ANKRD18A: variants seen among roughly 807,000 people sequenced by gnomAD.
ANKRD18A encodes the protein ankyrin repeat domain 18A, also known as ankyrin repeat domain-containing protein 18A.
ANKRD18A carries 72 observed loss-of-function variants against 110.6 expected under a neutral mutation model. The observed-to-expected ratio is 0.65, with a 90% CI of 0.54 to 0.79. The LOEUF is 0.79. Among genes scored for constraint, ANKRD18A ranks in the 30% least tolerant of loss-of-function variants. The pLI is 0.00. For missense variants in ANKRD18A, 934 were observed against 1,163.3 expected, an observed-to-expected ratio of 0.80 and a Z score of 2.87; for synonymous variants, 305 against 410.3, an observed-to-expected ratio of 0.74 and a Z score of 3.10.
At position 38,610,297 on chromosome 9, in the gene ANKRD18A, T is replaced by C; in HGVS notation, c.716A>G (p.Tyr239Cys). 3 of 1,548,926 alleles carry C rather than the reference T, an allele frequency of 1.9e-6. No individual in the cohort carries two copies. Among genetic ancestry groups the C allele is most frequent in the Non-Finnish European group, 2.6e-6 (3 of 1,146,194 alleles). ...CCTTCTCAAATCAGAACAAAGAGCA[T>C]AATCCTCGGCAGTTTGGCCAAACAT... ...QDMFGQTAED[Y>C]ALCSDLRSIR... is the part of the protein sequence containing the mutation. Residue 239 changes from tyrosine (Y) to cysteine (C), a missense_variant, in exon 5 of 16, where the codon TAT becomes TGT. Transcript: ENST00000399703.
chr9:38,610,526 T>C, intron 4 of ANKRD18A, 116 bp from the exon 5 acceptor site: 1 of 1,368,328 alleles, frequency 7.3e-7, no homozygotes. Flanking sequence ...ATAATAACCA[T>C]TTACATGTAC....
intron 7 of ANKRD18A, among the ~76,000 whole-genome samples, chr9:38,601,917 A>C (rs1271535451): frequency 1.3e-5 from 2 of 150,428 alleles, no homozygotes; most frequent in African/African-American, 4.9e-5. Context: ...CAGGAGTTTC[A>C]GTTTGCAGTG....
At chr9:38,594,723 C>T (rs1824800088) in intron 9 of ANKRD18A, among the ~76,000 whole-genome samples, 1 of 152,248 alleles carries the variant, frequency 6.6e-6, no homozygotes, top group East Asian at 1.9e-4. Flanking sequence ...AAGAGAGAGC[C>T]ACTGAAGGAA....
chr9:38,593,131 G>A (rs138957657), intron 10 of ANKRD18A, among the ~76,000 whole-genome samples: 468 of 152,294 alleles, frequency 3.1e-3, no homozygotes, highest in Middle Eastern at 0.01. Flanking sequence ...AAATCCCATG[G>A]TAGGATCCAG....
In ANKRD18A at chr9:38,591,197, T is replaced by C. The variant is rs560554708; in HGVS notation, c.2005-2534A>G. On this transcript the variant is annotated intron_variant, in intron 10 of 15. Transcript: ENST00000399703. ...ATTGCTCTGGCTGGTCTCAAATTCCTGGGCTCAAGCACTGTTCTTGCCTCA... is the reference window on the plus strand; with the variant it reads ...ATTGCTCTGGCTGGTCTCAAATTCCCGGGCTCAAGCACTGTTCTTGCCTCA... Among the ~76,000 whole-genome samples the C allele has an allele frequency of 1.2e-4, 18 of 151,860 alleles. No homozygotes were observed. In the South Asian group the frequency reaches 2.3e-3, roughly 19 times the overall value.
chr9:38,570,129 C>T (rs1823586811), downstream of ANKRD18A, among the ~76,000 whole-genome samples: 1 of 152,116 alleles, frequency 6.6e-6, no homozygotes. Flanking sequence ...CCCCATTGAC[C>T]AGGCCCCACT....
chr9:38,603,531 C>G (rs561719053), intron 6 of ANKRD18A, among the ~76,000 whole-genome samples: 1 of 152,288 alleles, frequency 6.6e-6, no homozygotes, highest in South Asian at 2.1e-4. Context: ...TATGAGAGTA[C>G]AGTCATGCCT....
intron 5 of ANKRD18A, among the ~76,000 whole-genome samples, chr9:38,609,412 G>A (rs1825499220): frequency 6.6e-6 from 1 of 151,770 alleles, no homozygotes; most frequent in Non-Finnish European, 1.5e-5. Flanking sequence ...ACCCAGGAAG[G>A]GGAGCTTGCA....
Position 38,586,309 on chromosome 9 carries a change from A to C in ANKRD18A, c.2121T>G (p.Tyr707Ter). Residue 707 changes from tyrosine (Y) to a stop codon, truncating the protein, a stop_gained, in exon 12 of 16, where the codon TAT (tyrosine) becomes TAG (stop). Coordinates refer to ENST00000399703, the MANE Select transcript of ANKRD18A (RefSeq NM_147195.4). LOFTEE classifies it high-confidence loss of function. ...NRELEEEATG[Y>*]KKCLEMTINM... The stretch of plus-strand genomic sequence containing the variant: ...TTATTGTCATTTCTAGGCATTTCTT[A>C]TATCTGCAGAAATGTAAGAACTAGT... 1.3e-6 allele frequency: 2 copies of C among 1,571,204 alleles called. No individual in the cohort carries two copies. The highest frequency in any genetic ancestry group is 1.7e-6 in the Non-Finnish European group (2 of 1,153,758).
At chr9:38,604,499 C>A (rs969025291) in intron 6 of ANKRD18A, among the ~76,000 whole-genome samples, 2 of 145,942 alleles carry the variant, frequency 1.4e-5, no homozygotes, top group African/African-American at 5.2e-5. Context: ...GAAAGAGGAA[C>A]AAGTGGAATC....
chr9:38,568,719 C>T, downstream of ANKRD18A: 4 of 985,130 alleles, frequency 4.1e-6, no homozygotes, highest in Non-Finnish European at 4.8e-6. Context: ...TGAGCTTGTC[C>T]TGTCTTGGGC....
At chr9:38,568,362 G>T (rs1234900345), downstream of ANKRD18A, 1 of 152,060 alleles carries the variant, frequency 6.6e-6, no homozygotes, top group Non-Finnish European at 1.5e-5. Flanking sequence ...GCCAGGCAAG[G>T]CCAAGCTGGC....
chr9:38,608,702 T>A (rs1274171013), intron 5 of ANKRD18A, among the ~76,000 whole-genome samples: 1 of 146,852 alleles, frequency 6.8e-6, no homozygotes, highest in East Asian at 1.9e-4. Flanking sequence ...TATAATTATA[T>A]ACATTATATA....
chr9:38,618,109 CAAT>C (rs1563980945), intron 1 of ANKRD18A, among the ~76,000 whole-genome samples: 1 of 152,018 alleles, frequency 6.6e-6, no homozygotes, highest in African/African-American at 2.4e-5. Context: ...CAAACCCTCA[CAAT>C]AATAATGATA....
intron 1 of ANKRD18A, among the ~76,000 whole-genome samples, chr9:38,618,894 AG>A (rs1347764271): frequency 6.7e-6 from 1 of 149,444 alleles, no homozygotes; most frequent in Non-Finnish European, 1.5e-5. Context: ...ACATTATATT[AG>A]TAATATATAC....
chr9:38,593,399 C>A (rs1388982197), intron 10 of ANKRD18A, among the ~76,000 whole-genome samples: 5 of 152,314 alleles, frequency 3.3e-5, no homozygotes, highest in African/African-American at 1.2e-4. Context: ...AGACAACTTG[C>A]TGGAATATTC....
At chr9:38,605,092 A>G (rs946757855) in intron 6 of ANKRD18A, among the ~76,000 whole-genome samples, 4 of 152,238 alleles carry the variant, frequency 2.6e-5, no homozygotes, top group African/African-American at 4.8e-5. Flanking sequence ...AACGTGATAC[A>G]TATGTAATAA....
At chr9:38,611,081 T>TC in intron 4 of ANKRD18A, 134 bp downstream of exon 4, 1 of 1,421,228 alleles carries the variant, frequency 7.0e-7, no homozygotes, top group Admixed American at 3.3e-5. Flanking sequence ...ACCTGATTAT[T>TC]CATGTTACTT....
Position 38,586,181 on chromosome 9 carries a change from A to G in ANKRD18A, c.2247+2T>C. On this transcript the variant is annotated splice_donor_variant, in intron 12 of 15. Transcript: ENST00000399703. LOFTEE classifies it high-confidence loss of function. ...GATAAAATAATAATTTTTTAAAATT[A>G]CCTTCTGTTTTAGCTTCTTAAACAG... 3.7e-6 allele frequency: 6 copies of G among 1,601,580 alleles called. No homozygotes were observed. The highest frequency in any genetic ancestry group is 4.3e-6 in the Non-Finnish European group (5 of 1,175,022).
Sources: gnomAD v4.1 joint callset for allele counts (sites outside exome capture counted in the v4.1 genomes callset) on GRCh38, gnomAD v4.1.1 for gene constraint, MANE v1.5 for transcripts, NCBI Gene and HGNC (gene_info 2026-07-23, HGNC 2026-07-21) for gene names.